The following MIR2052HG variants were observed in gnomAD, a reference collection of about 807,000 sequenced individuals.
MIR2052HG encodes the protein MIR2052 host gene.
At chr8:74,680,075 T>C (rs940706607) in intron 2 of MIR2052HG, among the ~76,000 whole-genome samples, 3 of 152,180 alleles carry the variant, frequency 2.0e-5, no homozygotes, top group Admixed American at 6.5e-5. Flanking sequence ...AGACAACCTA[T>C]AAGAATTAGT....
At chr8:74,753,020 T>G (rs570079708) in intron 5 of MIR2052HG, among the ~76,000 whole-genome samples, 149 of 152,326 alleles carry the variant, frequency 9.8e-4, no homozygotes, top group Non-Finnish European at 1.2e-3. Context: ...GGGGGAAATG[T>G]GTTTCCAGCT....
intron 2 of MIR2052HG, among the ~76,000 whole-genome samples, chr8:74,652,531 A>T (rs1808763968): frequency 6.6e-6 from 1 of 152,148 alleles, no homozygotes; most frequent in Non-Finnish European, 1.5e-5. Context: ...AGCATAGTGT[A>T]TATCTTATTC....
chr8:74,699,184 A>T (rs1258783533), intron 2 of MIR2052HG, among the ~76,000 whole-genome samples: 1 of 152,136 alleles, frequency 6.6e-6, no homozygotes. Context: ...TATAGCCGCT[A>T]TGGAAAACAG....
intron 1 of MIR2052HG, among the ~76,000 whole-genome samples, chr8:74,606,591 T>C (rs1808115142): frequency 6.6e-6 from 1 of 152,128 alleles, no homozygotes; most frequent in African/African-American, 2.4e-5. Flanking sequence ...AAGTTAAAAA[T>C]TTATACAATA....
At chr8:74,665,634 C>A (rs1808914527) in intron 2 of MIR2052HG, among the ~76,000 whole-genome samples, 1 of 152,138 alleles carries the variant, frequency 6.6e-6, no homozygotes, top group Non-Finnish European at 1.5e-5. Context: ...TTTATATTTA[C>A]CTCTCCATTT....
chr8:74,639,494 C>T (rs533566686), intron 2 of MIR2052HG, among the ~76,000 whole-genome samples: 270 of 152,224 alleles, frequency 1.8e-3, no homozygotes, highest in African/African-American at 6.2e-3. Context: ...TTATGAGGAT[C>T]GCACAACTGG....
intron 4 of MIR2052HG, among the ~76,000 whole-genome samples, chr8:74,747,832 A>G (rs1395570993): frequency 6.6e-6 from 1 of 152,166 alleles, no homozygotes; most frequent in Non-Finnish European, 1.5e-5. Context: ...TCAATCTATA[A>G]TGTATCATCA....
intron 4 of MIR2052HG, among the ~76,000 whole-genome samples, chr8:74,735,702 T>G (rs147668644): frequency 6.6e-6 from 1 of 152,242 alleles, no homozygotes; most frequent in Non-Finnish European, 1.5e-5. Flanking sequence ...CATAACTTTG[T>G]TGACTTATTT....
exon 4 of MIR2052HG, chr8:74,703,641 T>C (rs1809379262): frequency 2.2e-6 from 1 of 452,850 alleles, no homozygotes; most frequent in Admixed American, 2.4e-5. Context: ...AACAGGAAAA[T>C]TAGGAGGAAT....
At chr8:74,606,174 G>GT (rs1344018218) in intron 1 of MIR2052HG, among the ~76,000 whole-genome samples, 1 of 152,218 alleles carries the variant, frequency 6.6e-6, no homozygotes, top group African/African-American at 2.4e-5. Context: ...GGCTTTGGGT[G>GT]TTATCAATCG....
chr8:74,738,508 T>A (rs1243955705), intron 4 of MIR2052HG, among the ~76,000 whole-genome samples: 1 of 152,156 alleles, frequency 6.6e-6, no homozygotes, highest in Non-Finnish European at 1.5e-5. Flanking sequence ...TTACTTATTT[T>A]ACTAAGTGCC....
chr8:74,626,037 C>T (rs924753705), intron 2 of MIR2052HG, among the ~76,000 whole-genome samples: 1 of 152,170 alleles, frequency 6.6e-6, no homozygotes, highest in Non-Finnish European at 1.5e-5. Context: ...CCCCACCCTC[C>T]ACACTAGCAC....
At chr8:74,635,376 G>A (rs953047805) in intron 2 of MIR2052HG, among the ~76,000 whole-genome samples, 11 of 152,056 alleles carry the variant, frequency 7.2e-5, no homozygotes, top group African/African-American at 2.4e-4. Flanking sequence ...AGCTCTTTGG[G>A]TATTTGGAGG....
intron 2 of MIR2052HG, chr8:74,628,734 T>C (rs1045321843): frequency 3.3e-5 from 5 of 152,188 alleles, no homozygotes; most frequent in Non-Finnish European, 5.9e-5. Flanking sequence ...AGGTGCTTAA[T>C]AGAGTTGCAG....
intron 2 of MIR2052HG, among the ~76,000 whole-genome samples, chr8:74,662,793 C>T (rs935958610): frequency 1.3e-5 from 2 of 151,022 alleles, no homozygotes; most frequent in African/African-American, 4.9e-5. Flanking sequence ...ACTTTTGGTT[C>T]CTAAGCAGTT....
intron 2 of MIR2052HG, among the ~76,000 whole-genome samples, chr8:74,652,862 G>T (rs927884882): frequency 6.6e-6 from 1 of 152,114 alleles, no homozygotes; most frequent in Non-Finnish European, 1.5e-5. Context: ...GGAGGAAGTG[G>T]GTAGCTGACT....
At chr8:74,691,956 T>G (rs1038391906) in intron 2 of MIR2052HG, among the ~76,000 whole-genome samples, 2 of 152,198 alleles carry the variant, frequency 1.3e-5, no homozygotes, top group African/African-American at 2.4e-5. Flanking sequence ...GTATGTCTTG[T>G]TGTAGTCTGT....
At chr8:74,658,246 T>A (rs752184158) in intron 2 of MIR2052HG, among the ~76,000 whole-genome samples, 1 of 152,194 alleles carries the variant, frequency 6.6e-6, no homozygotes, top group Non-Finnish European at 1.5e-5. Flanking sequence ...ACTTTTTTCA[T>A]TCACATATAG....
intron 1 of MIR2052HG, among the ~76,000 whole-genome samples, chr8:74,602,765 T>C (rs1247589469): frequency 1.3e-5 from 2 of 150,620 alleles, no homozygotes; most frequent in Middle Eastern, 3.4e-3. Context: ...TCCACCTGCC[T>C]CGGCCTCCCA....
Sources: gnomAD v4.1 joint callset for allele counts (sites outside exome capture counted in the v4.1 genomes callset) on GRCh38, gnomAD v4.1.1 for gene constraint, MANE v1.5 for transcripts, NCBI Gene and HGNC (gene_info 2026-07-23, HGNC 2026-07-21) for gene names.